Variants in CHRM3 observed in about 807,000 individuals in gnomAD.
CHRM3 encodes cholinergic receptor muscarinic 3, also known as muscarinic acetylcholine receptor M3.
A neutral mutation model predicts 41.8 loss-of-function variants in CHRM3; 11 were observed. The ratio of observed to expected loss-of-function variants is 0.26; its 90% CI spans 0.17 to 0.44. The LOEUF (loss-of-function observed/expected upper bound fraction) is 0.44, where lower values mean the gene tolerates loss of function less well. Among genes scored for constraint, CHRM3 ranks in the 20% least tolerant of loss-of-function variants. The pLI, the probability that CHRM3 is intolerant of heterozygous loss-of-function variation, is 1.00. For missense variants in CHRM3, 571 were observed against 745.4 expected (o/e 0.77, Z 2.72); for synonymous variants, 297 against 301.4 (o/e 0.99, Z 0.15).
At chr1:239,689,031 A>AC (rs957054068) in intron 5 of CHRM3, among the ~76,000 whole-genome samples, 3 of 151,062 alleles carry the variant, frequency 2.0e-5, no homozygotes, top group African/African-American at 7.3e-5. Flanking sequence ...TGATAAATTC[A>AC]CCATTGATTA....
intron 3 of CHRM3, among the ~76,000 whole-genome samples, chr1:239,600,421 C>A (rs1025290303): frequency 6.6e-6 from 1 of 151,996 alleles, no homozygotes; most frequent in African/African-American, 2.4e-5. Flanking sequence ...AATTGATAGG[C>A]ATTTTTCCAG....
intron 5 of CHRM3, among the ~76,000 whole-genome samples, chr1:239,750,950 A>G (rs553717215): frequency 1.2e-3 from 185 of 152,258 alleles, no homozygotes; most frequent in African/African-American, 4.2e-3. Flanking sequence ...AAAGGAGTCC[A>G]GGTGAGGTGG....
At chr1:239,789,373 C>T (rs976033269) in intron 5 of CHRM3, among the ~76,000 whole-genome samples, 3 of 152,170 alleles carry the variant, frequency 2.0e-5, no homozygotes, top group Non-Finnish European at 4.4e-5. Flanking sequence ...ATACTTCTAC[C>T]ATCATTAAGC....
chr1:239,609,539 G>A (rs1260712708), intron 3 of CHRM3, among the ~76,000 whole-genome samples: 2 of 152,182 alleles, frequency 1.3e-5, no homozygotes, highest in African/African-American at 2.4e-5. Context: ...TGTATGGTAG[G>A]TATATGTTTA....
Position 239,909,389 on chromosome 1 carries a change from A to T in CHRM3, c.*165A>T, listed in dbSNP as rs1172947527. ...CTGATCCATTGAATAAACCCATTTT[A>T]ATAGAAAAAGTCAATACCAATTCAG... On this transcript the variant is annotated 3_prime_UTR_variant, in exon 7 of 7. Coordinates refer to ENST00000676153, the MANE Select transcript of CHRM3 (RefSeq NM_001375978.1). 3.4e-6 allele frequency: 2 copies of T among 585,196 alleles called. No homozygotes were observed. The highest frequency in any genetic ancestry group is 3.8e-5 in the African/African-American group (2 of 52,096). The allele number at this position is 585,196 out of a possible 1,614,324, so 36.3% of individuals were successfully genotyped here.
chr1:239,672,328 A>T (rs1291913136), intron 4 of CHRM3, among the ~76,000 whole-genome samples: 1 of 152,052 alleles, frequency 6.6e-6, no homozygotes, highest in Non-Finnish European at 1.5e-5. Context: ...AGGAGACAAG[A>T]CCTCAGAAAA....
chr1:239,417,816 C>T (rs544739966), intron 1 of CHRM3, among the ~76,000 whole-genome samples: 16 of 151,848 alleles, frequency 1.1e-4, no homozygotes, highest in East Asian at 7.7e-4. Flanking sequence ...ATGCAAGCAA[C>T]GAAAGAAAAA....
At chr1:239,877,749 G>C (rs1677225699) in intron 6 of CHRM3, among the ~76,000 whole-genome samples, 1 of 151,936 alleles carries the variant, frequency 6.6e-6, no homozygotes, top group African/African-American at 2.4e-5. Context: ...TCTTTCTACA[G>C]ATAATGCCAT....
intron 1 of CHRM3, among the ~76,000 whole-genome samples, chr1:239,480,223 T>C (rs1405036602): frequency 1.3e-5 from 2 of 152,076 alleles, no homozygotes; most frequent in Non-Finnish European, 2.9e-5. Context: ...TGATTTATGC[T>C]GAAAGAAAAT....
chr1:239,550,750 A>C (rs1176206720), intron 3 of CHRM3, among the ~76,000 whole-genome samples: 1 of 152,154 alleles, frequency 6.6e-6, no homozygotes, highest in East Asian at 1.9e-4. Context: ...TTAATTTATC[A>C]TTAAGCTCTA....
intron 5 of CHRM3, among the ~76,000 whole-genome samples, chr1:239,746,386 A>C (rs1162236337): frequency 6.6e-6 from 1 of 152,214 alleles, no homozygotes; most frequent in East Asian, 1.9e-4. Context: ...AAGTGAAAAA[A>C]CTGAAGCTCA....
intron 5 of CHRM3, among the ~76,000 whole-genome samples, chr1:239,729,230 T>G (rs570133686): frequency 6.6e-6 from 1 of 152,048 alleles, no homozygotes; most frequent in South Asian, 2.1e-4. Flanking sequence ...ATAATAATTT[T>G]GTTAAATCTT....
At chr1:239,896,366 C>T (rs1679005999) in intron 6 of CHRM3, among the ~76,000 whole-genome samples, 1 of 152,240 alleles carries the variant, frequency 6.6e-6, no homozygotes, top group African/African-American at 2.4e-5. Flanking sequence ...TAGTTCATGG[C>T]ATTGCCAACA....
intron 5 of CHRM3, chr1:239,720,022 A>G (rs1003662245): frequency 2.0e-5 from 3 of 151,978 alleles, no homozygotes; most frequent in Non-Finnish European, 2.9e-5. Flanking sequence ...AGGATTTTTA[A>G]GCACTGAACT....
intron 1 of CHRM3, among the ~76,000 whole-genome samples, chr1:239,404,412 AAG>A (rs1277309529): frequency 9.7e-5 from 4 of 41,326 alleles, no homozygotes; most frequent in Non-Finnish European, 1.8e-4. Flanking sequence ...AAGAAAGAAA[AAG>A]AAAGAAAGAA....
intron 6 of CHRM3, among the ~76,000 whole-genome samples, chr1:239,839,769 G>A (rs1482962740): frequency 6.6e-6 from 1 of 151,852 alleles, no homozygotes; most frequent in Non-Finnish European, 1.5e-5. Flanking sequence ...ATGAATGTCT[G>A]GGACATTTAC....
At chr1:239,778,223 A>T (rs551931370) in intron 5 of CHRM3, among the ~76,000 whole-genome samples, 1 of 152,218 alleles carries the variant, frequency 6.6e-6, no homozygotes, top group East Asian at 1.9e-4. Flanking sequence ...TCAAAAGAAT[A>T]TAGTCTCAAA....
At chr1:239,834,367 C>T (rs1007792179) in intron 6 of CHRM3, among the ~76,000 whole-genome samples, 1 of 139,082 alleles carries the variant, frequency 7.2e-6, no homozygotes, top group African/African-American at 2.8e-5. Flanking sequence ...GGCTGGAGTG[C>T]GATGGCACAA....
chr1:239,399,944 A>C (rs1659823337), intron 1 of CHRM3, among the ~76,000 whole-genome samples: 1 of 151,736 alleles, frequency 6.6e-6, no homozygotes, highest in Non-Finnish European at 1.5e-5. Flanking sequence ...ACAGAGTCTC[A>C]CTCTGTTGCC....
Sources: gnomAD v4.1 joint callset for allele counts (sites outside exome capture counted in the v4.1 genomes callset) on GRCh38, gnomAD v4.1.1 for gene constraint, MANE v1.5 for transcripts, NCBI Gene and HGNC (gene_info 2026-07-23, HGNC 2026-07-21) for gene names.